The following FAF1 variants were observed in gnomAD, a reference collection of about 807,000 sequenced individuals.
FAF1 encodes the protein FAS-associated factor 1.
In FAF1, 25 loss-of-function variants were observed where a neutral mutation model predicts 92.5. The observed-to-expected ratio is 0.27, with a 90% CI of 0.20 to 0.38. The LOEUF (loss-of-function observed/expected upper bound fraction) is 0.38, where lower values mean the gene tolerates loss of function less well. Among genes scored for constraint, FAF1 ranks in the 10% least tolerant of loss-of-function variants. The probability of loss-of-function intolerance (pLI) is 1.00; values close to 1 mark genes in which losing one functional copy is unlikely to be tolerated. For missense variants in FAF1, 636 were observed against 793.3 expected, an observed-to-expected ratio of 0.80 and a Z score of 2.38; for synonymous variants, 234 against 273.2, an observed-to-expected ratio of 0.86 and a Z score of 1.42.
chr1:50,702,479 T>C (rs1657514363), intron 7 of FAF1, among the ~76,000 whole-genome samples: 1 of 152,144 alleles, frequency 6.6e-6, no homozygotes, highest in Admixed American at 6.6e-5. Flanking sequence ...CATTCTTTGA[T>C]ATTTTTTACA....
At chr1:50,647,804 A>G (rs985603136) in intron 8 of FAF1, among the ~76,000 whole-genome samples, 4 of 152,164 alleles carry the variant, frequency 2.6e-5, no homozygotes, top group African/African-American at 9.7e-5. Context: ...GGTGACCCAG[A>G]TGAAGCCAGA....
At chr1:50,619,628 G>T (rs1420730701) in intron 8 of FAF1, among the ~76,000 whole-genome samples, 1 of 152,108 alleles carries the variant, frequency 6.6e-6, no homozygotes, top group Non-Finnish European at 1.5e-5. Context: ...GCCTGATTGG[G>T]TTCTCTCTGT....
intron 8 of FAF1, among the ~76,000 whole-genome samples, chr1:50,628,250 G>C (rs1302512991): frequency 6.6e-6 from 1 of 152,276 alleles, no homozygotes; most frequent in Non-Finnish European, 1.5e-5. Context: ...TGAGAAAATA[G>C]AAGGTGATGG....
chr1:50,934,033 G>C (rs1645067989), intron 1 of FAF1, among the ~76,000 whole-genome samples: 1 of 152,012 alleles, frequency 6.6e-6, no homozygotes. Context: ...ATTTGGGTAG[G>C]GACACAGCCA....
At chr1:50,703,906 G>A (rs573577702) in intron 7 of FAF1, among the ~76,000 whole-genome samples, 4 of 152,228 alleles carry the variant, frequency 2.6e-5, no homozygotes, top group South Asian at 2.1e-4. Flanking sequence ...TTGCATTAAC[G>A]CTGCTTAAAC....
intron 1 of FAF1, among the ~76,000 whole-genome samples, chr1:50,930,658 AC>A (rs1645040189): frequency 6.6e-6 from 1 of 152,030 alleles, no homozygotes; most frequent in Non-Finnish European, 1.5e-5. Flanking sequence ...ACACAGTGAA[AC>A]CCCGTCTCTA....
chr1:50,803,013 A>G (rs973545336), intron 2 of FAF1, among the ~76,000 whole-genome samples: 6 of 152,224 alleles, frequency 3.9e-5, no homozygotes, highest in Non-Finnish European at 7.3e-5. Flanking sequence ...GAAAAATAAA[A>G]CAAATCCATA....
intron 16 of FAF1, among the ~76,000 whole-genome samples, chr1:50,491,310 T>C (rs1284493223): frequency 6.6e-6 from 1 of 152,204 alleles, no homozygotes; most frequent in African/African-American, 2.4e-5. Context: ...ATTGTGAAAC[T>C]TCCTTTGAGA....
At chr1:50,803,914 G>C (rs1251260086) in intron 2 of FAF1, among the ~76,000 whole-genome samples, 1 of 152,162 alleles carries the variant, frequency 6.6e-6, no homozygotes, top group African/African-American at 2.4e-5. Flanking sequence ...TAAAGGAATA[G>C]AGAATAGGGA....
intron 1 of FAF1, among the ~76,000 whole-genome samples, chr1:50,934,433 A>G (rs1215006387): frequency 1.3e-5 from 2 of 152,192 alleles, no homozygotes; most frequent in East Asian, 3.9e-4. Flanking sequence ...ATCATATAAC[A>G]CTGTCTTGGC....
chr1:50,528,719 A>G (rs1647973214), intron 15 of FAF1, among the ~76,000 whole-genome samples: 1 of 152,154 alleles, frequency 6.6e-6, no homozygotes, highest in Non-Finnish European at 1.5e-5. Flanking sequence ...TTTTTTCAAT[A>G]GAAGTTATAC....
intron 13 of FAF1, among the ~76,000 whole-genome samples, chr1:50,553,033 CAGAG>C (rs1351757965): frequency 4.6e-5 from 7 of 151,980 alleles, no homozygotes; most frequent in African/African-American, 1.2e-4. Flanking sequence ...ATGAGTGTAA[CAGAG>C]AGAGTTTAAA....
At chr1:50,738,374 C>T (rs1421446649) in intron 6 of FAF1, among the ~76,000 whole-genome samples, 2 of 142,910 alleles carry the variant, frequency 1.4e-5, no homozygotes, top group Non-Finnish European at 3.0e-5. Flanking sequence ...ATCCGGGAGG[C>T]AGAGGTTGCG....
intron 1 of FAF1, among the ~76,000 whole-genome samples, chr1:50,944,876 TA>T (rs1645161763): frequency 6.6e-6 from 1 of 152,148 alleles, no homozygotes; most frequent in Non-Finnish European, 1.5e-5. Context: ...ATTCTCAAAA[TA>T]GGGCTATATA....
chr1:50,624,238 C>G (rs1185112900), intron 8 of FAF1, among the ~76,000 whole-genome samples: 2 of 152,176 alleles, frequency 1.3e-5, no homozygotes, highest in East Asian at 3.9e-4. Flanking sequence ...ACCTTCACCT[C>G]CTGGGTTCAA....
intron 8 of FAF1, among the ~76,000 whole-genome samples, chr1:50,604,663 A>G (rs1410213264): frequency 6.6e-6 from 1 of 152,076 alleles, no homozygotes; most frequent in African/African-American, 2.4e-5. Context: ...GCATGCTGCC[A>G]TGCCCAGCTA....
At chr1:50,457,674 G>C (rs528276343) in intron 18 of FAF1, among the ~76,000 whole-genome samples, 2 of 145,404 alleles carry the variant, frequency 1.4e-5, no homozygotes, top group South Asian at 4.3e-4. Context: ...GACTGCTTGA[G>C]GTCAGGAGTT....
intron 3 of FAF1, among the ~76,000 whole-genome samples, chr1:50,798,982 T>C (rs1358289369): frequency 6.6e-6 from 1 of 152,140 alleles, no homozygotes; most frequent in East Asian, 1.9e-4. Context: ...CAGGTTCAAG[T>C]TGTATTTTTA....
chr1:50,658,443 CAAT>C (rs946944625), intron 7 of FAF1, among the ~76,000 whole-genome samples: 8 of 152,096 alleles, frequency 5.3e-5, no homozygotes, highest in African/African-American at 1.9e-4. Flanking sequence ...CAAAATACAA[CAAT>C]AAAGTATTAT....
Sources: gnomAD v4.1 joint callset for allele counts (sites outside exome capture counted in the v4.1 genomes callset) on GRCh38, gnomAD v4.1.1 for gene constraint, MANE v1.5 for transcripts, NCBI Gene and HGNC (gene_info 2026-07-23, HGNC 2026-07-21) for gene names.